The following MFSD6 variants were observed in gnomAD, a reference collection of about 807,000 sequenced individuals.
MFSD6 encodes the protein major facilitator superfamily domain containing 6.
Under a neutral mutation model 56.3 loss-of-function variants are expected in MFSD6, and 26 were observed. That is an observed-to-expected ratio of 0.46 (90% confidence interval 0.34 to 0.64). The LOEUF (loss-of-function observed/expected upper bound fraction) is 0.64, where lower values mean the gene tolerates loss of function less well. Among genes scored for constraint, MFSD6 ranks in the 30% least tolerant of loss-of-function variants. The probability of loss-of-function intolerance (pLI) is 0.01; values close to 1 mark genes in which losing one functional copy is unlikely to be tolerated. For synonymous variants in MFSD6, 331 were observed against 366.9 expected, an observed-to-expected ratio of 0.90 and a Z score of 1.12; for missense variants, 750 against 986.2, an observed-to-expected ratio of 0.76 and a Z score of 3.21.
rs770176421 is a variant in MFSD6, at chr2:190,436,997, G to A, written c.968G>A (p.Arg323His). ...TLQYLGKHRD[R>H]YGLQRMWGSL... ...CAGTATCTGGGAAAACACAGAGATCGCTATGGGTTGCAGCGCATGTGGGGC... is the reference window on the plus strand; with the variant it reads ...CAGTATCTGGGAAAACACAGAGATCACTATGGGTTGCAGCGCATGTGGGGC... Residue 323 changes from arginine to histidine, a missense_variant, in exon 3 of 8, where the codon CGC (arginine) becomes CAC (histidine). Around this residue, in one of 5 missense-constraint regions of MFSD6, gnomAD observed 376 missense variants for 437.9 expected, o/e 0.86. Coordinates refer to ENST00000392328, the MANE Select transcript of MFSD6 (RefSeq NM_017694.4). This position sits in a 1 kb window ranked among gnomAD's most constrained non-coding sequence, Gnocchi z 5.3. 4 of 1,614,198 alleles carry A rather than the reference G, an allele frequency of 2.5e-6. No individual in the cohort carries two copies. The highest frequency in any genetic ancestry group is 1.7e-5 in the Admixed American group (1 of 60,024).
chr2:190,453,191 A>G (rs1449962173), intron 3 of MFSD6, among the ~76,000 whole-genome samples: 2 of 152,128 alleles, frequency 1.3e-5, no homozygotes, highest in East Asian at 3.9e-4. Flanking sequence ...AGGACCTTGC[A>G]TAGCTGGAAT....
chr2:190,478,589 A>G (rs1688478305), intron 4 of MFSD6, among the ~76,000 whole-genome samples: 1 of 152,230 alleles, frequency 6.6e-6, no homozygotes, highest in Non-Finnish European at 1.5e-5. Context: ...TTTAGGATGC[A>G]GTAAGGCAGG....
rs574022368 is a variant in MFSD6, at chr2:190,433,582, T to C, written c.-53-2395T>C. 4.6e-5 allele frequency among the ~76,000 whole-genome samples: 7 copies of C among 152,364 alleles called. No individual in the cohort carries two copies. The South Asian group carries it at 1.4e-3, about 32-fold the overall frequency. The stretch of plus-strand genomic sequence containing the variant: ...TAAATTACCGCTGAATTGTTCACTT[T>C]CAAAATGGTTAATTTTGTGTTATGT... On this transcript the variant is annotated intron_variant, in intron 2 of 7. Coordinates refer to ENST00000392328, the MANE Select transcript of MFSD6 (RefSeq NM_017694.4). This position sits in a 1 kb window ranked among gnomAD's most constrained non-coding sequence, Gnocchi z 4.5.
rs1285301738 is a variant in MFSD6, at chr2:190,461,116, AT to A, written c.1533-8639del. Among the ~76,000 whole-genome samples, 1 of 152,242 alleles carries A rather than the reference AT, an allele frequency of 6.6e-6. No homozygotes were observed. The highest frequency in any genetic ancestry group is 1.5e-5 in the Non-Finnish European group (1 of 68,040). On this transcript the variant is annotated intron_variant, in intron 3 of 7. Transcript: ENST00000392328. This position sits in a 1 kb window ranked among gnomAD's most constrained non-coding sequence, Gnocchi z 5.5. ...CCAAGAGTTTCAAAAGAAAGGAATA[AT>A]TTAAATATGAACTTAGCTAGAATGT...
rs1243402741 is a variant in MFSD6 at position 190,498,073 on chromosome 2, T to G, written c.2172+354T>G. The G allele has an allele frequency of 5.2e-6, 1 of 191,492 alleles. No individual in the cohort carries two copies. The highest frequency in any genetic ancestry group is 1.1e-5 in the Non-Finnish European group (1 of 91,286). The allele number at this position is 191,492 out of a possible 1,614,324, so 11.9% of individuals were successfully genotyped here. ...CCAAAATTCTAGTGGGGGCATTATATTATAGGACCACAATAAATATTTGTT... is the reference window on the plus strand; with the variant it reads ...CCAAAATTCTAGTGGGGGCATTATAGTATAGGACCACAATAAATATTTGTT... On this transcript the variant is annotated intron_variant, in intron 7 of 7. Coordinates refer to ENST00000392328, the MANE Select transcript of MFSD6 (RefSeq NM_017694.4). The surrounding 1 kb of genome is among the most constrained non-coding windows in gnomAD (Gnocchi z 5.9).
At chr2:190,466,639 C>A (rs1687619831) in intron 3 of MFSD6, among the ~76,000 whole-genome samples, 1 of 152,166 alleles carries the variant, frequency 6.6e-6, no homozygotes, top group African/African-American at 2.4e-5. Context: ...GTCATTTTCA[C>A]AACAAACCTA....
chr2:190,481,026 T>C (rs1688633405), intron 4 of MFSD6, among the ~76,000 whole-genome samples: 1 of 152,242 alleles, frequency 6.6e-6, no homozygotes, highest in African/African-American at 2.4e-5. Context: ...GGCTAGTCAG[T>C]GCACACTATT....
chr2:190,452,078 GTT>G (rs376340374), intron 3 of MFSD6, among the ~76,000 whole-genome samples: 1 of 143,070 alleles, frequency 7.0e-6, no homozygotes, highest in Admixed American at 7.0e-5. Context: ...AAAGTTTTTT[GTT>G]TTTTTTTTCA....
At position 190,451,435 on chromosome 2, in the gene MFSD6, G is replaced by A. The variant is rs1042829199; in HGVS notation, c.1532+13874G>A. On this transcript the variant is annotated intron_variant, in intron 3 of 7. Transcript: ENST00000392328. This position sits in a 1 kb window ranked among gnomAD's most constrained non-coding sequence, Gnocchi z 5.0. The stretch of plus-strand genomic sequence containing the variant: ...TTAAACACACTGGGTGACAGGCACT[G>A]TGCTATAATCTAGGGATATATGGAA... Among the ~76,000 whole-genome samples, 3 of 152,220 alleles carry A rather than the reference G, an allele frequency of 2.0e-5. No individual in the cohort carries two copies. The highest frequency in any genetic ancestry group is 4.4e-5 in the Non-Finnish European group (3 of 68,040).
At position 190,490,379 on chromosome 2, in the gene MFSD6, C is replaced by G. The variant is rs552217321; in HGVS notation, c.1891+513C>G. Among the ~76,000 whole-genome samples, 1 of 151,472 alleles carries G rather than the reference C, an allele frequency of 6.6e-6. No individual in the cohort carries two copies. ...GAGATCAAGACCATCTTGGCTAACA[C>G]GGTGAAACCCCATCTCTACTAAAAA... On this transcript the variant is annotated intron_variant, in intron 6 of 7. Coordinates refer to ENST00000392328, the MANE Select transcript of MFSD6 (RefSeq NM_017694.4). The surrounding 1 kb of genome is among the most constrained non-coding windows in gnomAD (Gnocchi z 4.5).
intron 2 of MFSD6, among the ~76,000 whole-genome samples, chr2:190,421,405 T>C (rs989885679): frequency 3.3e-5 from 5 of 152,192 alleles, no homozygotes; most frequent in African/African-American, 1.2e-4. Context: ...AAAGACAAAA[T>C]CCACATGACT....
rs1686280148 is a variant in MFSD6, at chr2:190,439,097, G to T, written c.1532+1536G>T. On this transcript the variant is annotated intron_variant, in intron 3 of 7. Transcript: ENST00000392328. This position sits in a 1 kb window ranked among gnomAD's most constrained non-coding sequence, Gnocchi z 5.8. ...AGGACTCGGAATGCCCTTTAATTTT[G>T]TCCACACCATGTTTAGATTATCTGA... Among the ~76,000 whole-genome samples, 1 of 151,912 alleles carries T rather than the reference G, an allele frequency of 6.6e-6. No individual in the cohort carries two copies. The highest frequency in any genetic ancestry group is 1.5e-5 in the Non-Finnish European group (1 of 67,996).
intron 4 of MFSD6, among the ~76,000 whole-genome samples, chr2:190,483,682 A>G (rs1195721912): frequency 6.6e-6 from 1 of 152,074 alleles, no homozygotes; most frequent in Non-Finnish European, 1.5e-5. Context: ...TAAGGGTACG[A>G]AAATTAGCTG....
At chr2:190,460,636 T>G (rs901642979) in intron 3 of MFSD6, among the ~76,000 whole-genome samples, 11 of 152,206 alleles carry the variant, frequency 7.2e-5, no homozygotes, top group Non-Finnish European at 1.5e-4. Context: ...AGGTTGTAGG[T>G]GCACTGTTAC....
In MFSD6 at chr2:190,431,575, C is replaced by T. The variant is rs1396273968; in HGVS notation, c.-53-4402C>T. On this transcript the variant is annotated intron_variant, in intron 2 of 7. Transcript: ENST00000392328. The surrounding 1 kb of genome is among the most constrained non-coding windows in gnomAD (Gnocchi z 4.4). ...CGAAAACCAGTCAGGTGTGGCGGCG[C>T]GCGCCTGCAATCGCAGGCACTTGGC... Among the ~76,000 whole-genome samples, 1 of 152,220 alleles carries T rather than the reference C, an allele frequency of 6.6e-6. No individual in the cohort carries two copies. Among genetic ancestry groups the T allele is most frequent in the South Asian group, 2.1e-4 (1 of 4,836 alleles).
chr2:190,469,929 G>A lies in MFSD6; in HGVS notation c.1630+74G>A. The A allele has an allele frequency of 9.6e-7, 1 of 1,041,250 alleles. No homozygotes were observed. Among genetic ancestry groups the A allele is most frequent in the Non-Finnish European group, 1.4e-6 (1 of 692,720 alleles). 64.5% of individuals were successfully genotyped at this position (1,041,250 alleles called of 1,614,324 possible). On this transcript the variant is annotated intron_variant, in intron 4 of 7. Coordinates refer to ENST00000392328, the MANE Select transcript of MFSD6 (RefSeq NM_017694.4). This position sits in a 1 kb window ranked among gnomAD's most constrained non-coding sequence, Gnocchi z 5.3. ...GTGGCTAAAAGCCCAGTGGCCTTCA[G>A]CATCTGATTCTATAAAGGAAGGGCA...
In MFSD6 at chr2:190,434,535, G is replaced by C. The variant is rs374252150; in HGVS notation, c.-53-1442G>C. Among the ~76,000 whole-genome samples the C allele has an allele frequency of 6.6e-6, 1 of 151,980 alleles. No homozygotes were observed. The highest frequency in any genetic ancestry group is 2.1e-4 in the South Asian group (1 of 4,822). On this transcript the variant is annotated intron_variant, in intron 2 of 7. Coordinates refer to ENST00000392328, the MANE Select transcript of MFSD6 (RefSeq NM_017694.4). This position sits in a 1 kb window ranked among gnomAD's most constrained non-coding sequence, Gnocchi z 4.3. ...ACTGCAACCTCCGCCTCCTGGGTTC[G>C]AGCAATTTGCCTGCCTCAGCTTCCC...
chr2:190,474,328 TAAAG>T (rs973319795), intron 4 of MFSD6, among the ~76,000 whole-genome samples: 74 of 151,748 alleles, frequency 4.9e-4, no homozygotes, highest in Non-Finnish European at 8.4e-4. Context: ...GCAAGACTAA[TAAAG>T]AAGAAAAGAT....
intron 3 of MFSD6, among the ~76,000 whole-genome samples, chr2:190,453,611 A>G (rs962528394): frequency 6.6e-6 from 1 of 152,246 alleles, no homozygotes; most frequent in African/African-American, 2.4e-5. Flanking sequence ...TAACGTGGGC[A>G]TAAAAATTAC....
Sources: gnomAD v4.1 joint callset for allele counts (sites outside exome capture counted in the v4.1 genomes callset) on GRCh38, gnomAD v4.1.1 for gene constraint, gnomAD v4.1.1 regional missense constraint, Gnocchi (gnomAD v3.1) non-coding constraint, MANE v1.5 for transcripts, NCBI Gene and HGNC (gene_info 2026-07-23, HGNC 2026-07-21) for gene names.